The following UVSSA variants were observed in gnomAD, a reference collection of about 807,000 sequenced individuals.
UVSSA encodes UV-stimulated scaffold protein A.
Under a neutral mutation model 73.9 loss-of-function variants are expected in UVSSA, and 72 were observed. That is an observed-to-expected ratio of 0.97 (90% CI 0.81 to 1.19). The LOEUF (loss-of-function observed/expected upper bound fraction) is 1.19, where lower values mean the gene tolerates loss of function less well. Ranked by LOEUF, UVSSA falls within the 50% of genes most tolerant of loss-of-function variation. The pLI is 0.00. For missense variants in UVSSA, 1,150 were observed against 965.0 expected, an observed-to-expected ratio of 1.19 and a Z score of -2.54; for synonymous variants, 454 against 391.3, an observed-to-expected ratio of 1.16 and a Z score of -1.89.
In UVSSA at chr4:1,385,947, T is replaced by A; in HGVS notation, c.2116T>A (p.Tyr706Asn). The A allele has an allele frequency of 6.2e-7, 1 of 1,614,014 alleles. No homozygotes were observed. The highest frequency in any genetic ancestry group is 8.5e-7 in the Non-Finnish European group (1 of 1,180,028). ...CGAGAAGTTTTCAAACCAGTTTAAC[T>A]ACGCACTGAACTAGAGAGCGGGGCC... ...KHEKFSNQFNYALN is the reference protein window; with the variant it reads ...KHEKFSNQFNNALN The change falls in exon 14 of 14, where the codon TAC becomes AAC. Residue 706 changes from tyrosine (Y) to asparagine (N), a missense_variant. Transcript: ENST00000389851.
intron 3 of UVSSA, among the ~76,000 whole-genome samples, chr4:1,350,190 C>T (rs1202171881): frequency 6.6e-6 from 1 of 152,204 alleles, no homozygotes; most frequent in Non-Finnish European, 1.5e-5. Context: ...TTTTCTGTGA[C>T]AGTGGCCCCT....
intron 7 of UVSSA, chr4:1,356,639 C>G (rs1215408764): frequency 6.6e-6 from 1 of 152,316 alleles, no homozygotes; most frequent in African/African-American, 2.4e-5. Flanking sequence ...CAGGGTGAGC[C>G]CACTGCCCAT....
chr4:1,348,371 G>C (rs1488749333), intron 2 of UVSSA, among the ~76,000 whole-genome samples, 182 bp downstream of exon 2: 3 of 152,236 alleles, frequency 2.0e-5, no homozygotes, highest in Non-Finnish European at 4.4e-5. Flanking sequence ...CGGGGCGTGT[G>C]GCGTTGGGGA....
chr4:1,363,643 T>C (rs1434309534), intron 7 of UVSSA, among the ~76,000 whole-genome samples: 2 of 152,212 alleles, frequency 1.3e-5, no homozygotes, highest in East Asian at 1.9e-4. Context: ...TCTCCACCTT[T>C]CATAAATTCC....
chr4:1,366,199 G>T, intron 7 of UVSSA, 121 bp from the exon 8 acceptor site: 1 of 759,350 alleles, frequency 1.3e-6, no homozygotes, highest in Non-Finnish European at 2.2e-6. Context: ...GGCTGATGTT[G>T]GAGCCCTAAG....
chr4:1,354,852 GCCTCGAACCTGGGA>G lies in UVSSA; in HGVS notation c.1047+9_1047+22del. The stretch of plus-strand genomic sequence containing the variant: ...GCTGTGTGCTCGTGGATCCAGGTGA[GCCTCGAACCTGGGA>G]CCTGTGGGTGGAGGGACGTGTGCAG... On this transcript the variant is annotated splice_donor_region_variant and intron_variant, in intron 6 of 13. Transcript: ENST00000389851. The G allele has an allele frequency of 1.3e-6, 2 of 1,595,736 alleles. No individual in the cohort carries two copies. The highest frequency in any genetic ancestry group is 1.7e-6 in the Non-Finnish European group (2 of 1,168,922).
rs1715505496 is a variant in UVSSA, at chr4:1,355,137, C to A, written c.1068C>A (p.Thr356=). Residue 356 remains threonine, a synonymous_variant, in exon 7 of 14, where the codon ACC becomes ACA. Coordinates refer to ENST00000389851, the MANE Select transcript of UVSSA (RefSeq NM_020894.4). ...SWIQRFTRVG[T]HGGCLKRAID... The stretch of plus-strand genomic sequence containing the variant: ...CGCAGCGCTTCACCCGCGTCGGGAC[C>A]CACGGTGGATGTTTAAAGCGTGCCA... The A allele has an allele frequency of 6.2e-7, 1 of 1,613,664 alleles. No homozygotes were observed. The highest frequency in any genetic ancestry group is 1.3e-5 in the African/African-American group (1 of 74,920).
intron 8 of UVSSA, among the ~76,000 whole-genome samples, chr4:1,372,360 C>A (rs1322942769): frequency 6.6e-6 from 1 of 152,226 alleles, no homozygotes; most frequent in African/African-American, 2.4e-5. Flanking sequence ...TTCTCTCCGA[C>A]TTCTGCTGCC....
Position 1,386,694 on chromosome 4 carries a change from A to G in UVSSA, c.*733A>G, listed in dbSNP as rs535793563. ...CCTCTTGCCTATTTTTAATTGAATGATTTATCTTGAGTTGTAACAGTTGTT... is the reference window on the plus strand; with the variant it reads ...CCTCTTGCCTATTTTTAATTGAATGGTTTATCTTGAGTTGTAACAGTTGTT... On this transcript the variant is annotated 3_prime_UTR_variant, in exon 14 of 14. Coordinates refer to ENST00000389851, the MANE Select transcript of UVSSA (RefSeq NM_020894.4). 16 of 148,982 alleles carry G rather than the reference A, an allele frequency of 1.1e-4. No homozygotes were observed. Among genetic ancestry groups the G allele is most frequent in the African/African-American group, 3.3e-4 (13 of 39,876 alleles). 9.2% of individuals were successfully genotyped at this position (148,982 alleles called of 1,614,324 possible).
At chr4:1,367,660 G>A (rs1577339280) in intron 8 of UVSSA, among the ~76,000 whole-genome samples, 1 of 152,190 alleles carries the variant, frequency 6.6e-6, no homozygotes, top group African/African-American at 2.4e-5. Flanking sequence ...GGAGCCAGCC[G>A]GGACCTCGCT....
exon 14 of UVSSA, chr4:1,395,871 G>C: frequency 6.2e-7 from 1 of 1,605,950 alleles, no homozygotes; most frequent in Non-Finnish European, 8.5e-7. Context: ...GGGATGAGAT[G>C]GAAGAGGAGA....
Position 1,347,768 on chromosome 4 carries a change from AG to A in UVSSA, c.-3+11del, listed in dbSNP as rs1343458183. The A allele has an allele frequency of 3.6e-6, 1 of 275,550 alleles. No homozygotes were observed. The highest frequency in any genetic ancestry group is 7.0e-6 in the Non-Finnish European group (1 of 143,074). The allele number at this position is 275,550 out of a possible 1,614,324, so 17.1% of individuals were successfully genotyped here. A position where few individuals can be genotyped will look rare whatever the true frequency, so the allele number is the denominator to read the frequency against. ...CTGCCCTGCGGAATCTGAGTGAATA[AG>A]GGAAACAGCAACAGTCACGTTGGGG... On this transcript the variant is annotated intron_variant, in intron 1 of 13. Transcript: ENST00000389851.
intron 3 of UVSSA, among the ~76,000 whole-genome samples, chr4:1,350,426 A>T (rs1186854278): frequency 1.3e-5 from 2 of 152,142 alleles, no homozygotes; most frequent in Admixed American, 6.5e-5. Flanking sequence ...GTGCCCTTGG[A>T]GTGCCCTGTC....
intron 7 of UVSSA, among the ~76,000 whole-genome samples, chr4:1,356,060 T>C (rs978688506): frequency 6.6e-6 from 1 of 151,962 alleles, no homozygotes; most frequent in Non-Finnish European, 1.5e-5. Flanking sequence ...CACCCTGAGC[T>C]CCCACAGCAG....
At chr4:1,365,578 C>A (rs1717199171) in intron 7 of UVSSA, among the ~76,000 whole-genome samples, 2 of 152,220 alleles carry the variant, frequency 1.3e-5, no homozygotes, top group Non-Finnish European at 2.9e-5. Context: ...GTGAGGGATC[C>A]CCCCACACCT....
At chr4:1,344,475 TG>T (rs1168327905), upstream of UVSSA, among the ~76,000 whole-genome samples, 2 of 151,982 alleles carry the variant, frequency 1.3e-5, no homozygotes, top group Non-Finnish European at 2.9e-5. Context: ...CATTTGAACC[TG>T]GGAGGCAGAG....
rs1716453003 is a variant in UVSSA, at chr4:1,360,388, C to G, written c.1176+5143C>G. Among the ~76,000 whole-genome samples, 3 of 147,462 alleles carry G rather than the reference C, an allele frequency of 2.0e-5. No homozygotes were observed. The South Asian group carries it at 6.5e-4, about 32-fold the overall frequency. The stretch of plus-strand genomic sequence containing the variant: ...CCCAGCGCTCCTTGAAACACCGCCC[C>G]ATGCTGTTACCCCTTTCGTTTGGAA... On this transcript the variant is annotated intron_variant, in intron 7 of 13. Transcript: ENST00000389851.
At chr4:1,378,987 C>T (rs565605625) in intron 10 of UVSSA, among the ~76,000 whole-genome samples, 34 of 152,352 alleles carry the variant, frequency 2.2e-4, no homozygotes, top group East Asian at 9.6e-4. Flanking sequence ...GAGGTCCAGG[C>T]GGCCCCAGGG....
At chr4:1,343,534 G>T (rs547305976), upstream of UVSSA, among the ~76,000 whole-genome samples, 56 of 152,100 alleles carry the variant, frequency 3.7e-4, no homozygotes, top group African/African-American at 1.3e-3. Context: ...GATCCTTCTC[G>T]CATCTAAGGT....
Sources: allele counts gnomAD v4.1 joint callset (sites outside exome capture counted in the v4.1 genomes callset), GRCh38; gene constraint gnomAD v4.1.1; transcripts MANE v1.5; gene names NCBI Gene and HGNC (gene_info 2026-07-23, HGNC 2026-07-21).